MEGF8: variants seen among roughly 807,000 people sequenced by gnomAD.
MEGF8 encodes the protein multiple epidermal growth factor-like domains protein 8.
In MEGF8, 156 loss-of-function variants were observed where a neutral mutation model predicts 302.9. That is an observed-to-expected ratio of 0.52 (90% CI 0.45 to 0.59). The LOEUF (loss-of-function observed/expected upper bound fraction) is 0.59, where lower values mean the gene tolerates loss of function less well. Among genes scored for constraint, MEGF8 ranks in the 20% least tolerant of loss-of-function variants. The probability of loss-of-function intolerance (pLI) is 0.00; values close to 1 mark genes in which losing one functional copy is unlikely to be tolerated. For missense variants in MEGF8, 3,345 were observed against 3,964.5 expected (o/e 0.84, Z 4.20); for synonymous variants, 1,621 against 1,660.5 (o/e 0.98, Z 0.58).
In MEGF8 at chr19:42,368,319, T is replaced by C; in HGVS notation, c.6274-136T>C. On this transcript the variant is annotated intron_variant, in intron 35 of 41. Coordinates refer to ENST00000251268, the MANE Select transcript of MEGF8 (RefSeq NM_001271938.2). The surrounding 1 kb of genome is among the most constrained non-coding windows in gnomAD (Gnocchi z 4.9). ...CATGATGACCCCAGCTAGTGTCCAC[T>C]TTGCTCTACCTGTGGCCAGGGAGGG... is the stretch of plus-strand genomic sequence containing the variant. The C allele has an allele frequency of 1.4e-6, 1 of 724,366 alleles. No homozygotes were observed. Among genetic ancestry groups the C allele is most frequent in the East Asian group, 2.8e-5 (1 of 35,626 alleles). 44.9% of individuals were successfully genotyped at this position (724,366 alleles called of 1,614,324 possible).
intron 8 of MEGF8, among the ~76,000 whole-genome samples, chr19:42,342,038 A>G (rs1035897509): frequency 1.1e-4 from 17 of 152,168 alleles, no homozygotes; most frequent in African/African-American, 4.1e-4. Context: ...GGGAAGGAGG[A>G]AAGGCCCCAG....
intron 9 of MEGF8, 130 bp downstream of exon 9, chr19:42,343,761 A>T: frequency 2.2e-6 from 3 of 1,373,338 alleles, no homozygotes; most frequent in Non-Finnish European, 2.9e-6. Context: ...GAGAGAAGGG[A>T]AGGAGGTCCC....
At chr19:42,346,883 T>G (rs1328034968) in intron 12 of MEGF8, among the ~76,000 whole-genome samples, 1 of 144,788 alleles carries the variant, frequency 6.9e-6, no homozygotes, top group Non-Finnish European at 1.5e-5. Context: ...TACTCAGGAG[T>G]CTGAAGCAGG....
In MEGF8 at chr19:42,369,522, C is replaced by T. The variant is rs1485917257; in HGVS notation, c.6642-9C>T. ...GCCACCTGCCCTGACCCCCACTTTG[C>T]CCCTGCAGCATGACAGGGCTGTGCC... On this transcript the variant is annotated splice_polypyrimidine_tract_variant and intron_variant, in intron 37 of 41. Transcript: ENST00000251268. This position sits in a 1 kb window ranked among gnomAD's most constrained non-coding sequence, Gnocchi z 5.7. The T allele has an allele frequency of 6.3e-7, 1 of 1,599,676 alleles. No individual in the cohort carries two copies. The highest frequency in any genetic ancestry group is 8.5e-7 in the Non-Finnish European group (1 of 1,174,682).
In MEGF8 at chr19:42,344,858, T is replaced by TG. The variant is rs1290536740; in HGVS notation, c.2097+29dup. The TG allele has an allele frequency of 1.3e-6, 2 of 1,523,288 alleles. No homozygotes were observed. Among genetic ancestry groups the TG allele is most frequent in the Non-Finnish European group, 1.8e-6 (2 of 1,131,678 alleles). The allele number at this position is 1,523,288 out of a possible 1,614,324, so 94.4% of individuals were successfully genotyped here. A position where few individuals can be genotyped will look rare whatever the true frequency, so the allele number is the denominator to read the frequency against. On this transcript the variant is annotated intron_variant, in intron 12 of 41. Coordinates refer to ENST00000251268, the MANE Select transcript of MEGF8 (RefSeq NM_001271938.2). This position sits in a 1 kb window ranked among gnomAD's most constrained non-coding sequence, Gnocchi z 4.5. ...GGTGGGTAGGAGGCGTGGCCCTGGG[T>TG]GGGGTGTTGATGATCCTGATCCTAG...
In MEGF8 at chr19:42,357,542, G is replaced by C. The variant is rs770879154; in HGVS notation, c.4969G>C (p.Gly1657Arg). Residue 1657 changes from glycine to arginine, a missense_variant, in exon 28 of 42, where the codon GGC becomes CGC. Transcript: ENST00000251268. The surrounding 1 kb of genome is among the most constrained non-coding windows in gnomAD (Gnocchi z 5.2). ...GCTGCTGGAGTACCAGCTGGCAACC[G>C]GCACCTGGGTGTCAGGAGCCCAGAG... ...QQLLEYQLAT[G>R]TWVSGAQSGT... is the part of the protein sequence containing the mutation. 2 of 1,612,844 alleles carry C rather than the reference G, an allele frequency of 1.2e-6. No homozygotes were observed. The highest frequency in any genetic ancestry group is 4.5e-5 in the East Asian group (2 of 44,854).
intron 35 of MEGF8, 81 bp downstream of exon 35, chr19:42,363,343 C>A: frequency 9.3e-6 from 11 of 1,184,256 alleles, no homozygotes; most frequent in Non-Finnish European, 1.3e-5. Context: ...GACCTTTCTT[C>A]CACCATCTCC....
At position 42,352,801 on chromosome 19, in the gene MEGF8, C is replaced by A; in HGVS notation, c.3351-127C>A. 1.4e-6 allele frequency: 1 copy of A among 737,752 alleles called. No individual in the cohort carries two copies. The highest frequency in any genetic ancestry group is 2.7e-5 in the Admixed American group (1 of 37,476). The allele number at this position is 737,752 out of a possible 1,614,324, so 45.7% of individuals were successfully genotyped here. ...GGAGTTACCTTGGAGACAGGGTCAC[C>A]CACATAGCCCAAAACCATGGAAACA... On this transcript the variant is annotated intron_variant, in intron 19 of 41. Coordinates refer to ENST00000251268, the MANE Select transcript of MEGF8 (RefSeq NM_001271938.2). The surrounding 1 kb of genome is among the most constrained non-coding windows in gnomAD (Gnocchi z 4.4).
intron 9 of MEGF8, 125 bp from the exon 10 acceptor site, chr19:42,343,829 A>G (rs1311474915): frequency 7.1e-7 from 1 of 1,413,810 alleles, no homozygotes; most frequent in Non-Finnish European, 9.4e-7. Flanking sequence ...ATGGATGGGC[A>G]TGCTGAGCAC....
At chr19:42,366,977 G>GT (rs981710134) in intron 35 of MEGF8, among the ~76,000 whole-genome samples, 11 of 152,266 alleles carry the variant, frequency 7.2e-5, no homozygotes, top group African/African-American at 2.4e-4. Flanking sequence ...AGCAGTCAGG[G>GT]TTTTCTATTT....
chr19:42,345,897 G>T (rs2039282366), intron 12 of MEGF8, among the ~76,000 whole-genome samples: 2 of 152,094 alleles, frequency 1.3e-5, no homozygotes, highest in African/African-American at 4.8e-5. Flanking sequence ...CCTCTTTATT[G>T]ATTTTTTGTT....
chr19:42,360,718 G>A, intron 31 of MEGF8, 57 bp from the exon 32 acceptor site: 1 of 1,545,796 alleles, frequency 6.5e-7, no homozygotes, highest in South Asian at 1.2e-5. Flanking sequence ...TCATGGTGTG[G>A]GTCTCTTCCT....
Position 42,353,098 on chromosome 19 carries a change from G to A in MEGF8, c.3521G>A (p.Arg1174Gln), listed in dbSNP as rs1446337126. 1.1e-5 allele frequency: 17 copies of A among 1,548,696 alleles called. No homozygotes were observed. Among genetic ancestry groups the A allele is most frequent in the East Asian group, 4.9e-5 (2 of 40,916 alleles). The change falls in exon 20 of 42, where the codon CGG becomes CAG. Residue 1174 changes from arginine to glutamine, a missense_variant. Arg to Gln is a conservative substitution (Grantham distance 43). Coordinates refer to ENST00000251268, the MANE Select transcript of MEGF8 (RefSeq NM_001271938.2). The surrounding 1 kb of genome is among the most constrained non-coding windows in gnomAD (Gnocchi z 6.1). The stretch of plus-strand genomic sequence containing the variant: ...AGCTTCCACAGCCACTGCCGCAAGC[G>A]GGGCCCTGGCTTCTGCGACGAGTGC... Reference protein sequence around the residue: ...GCSFHSHCRKRGPGFCDECQD... With the variant: ...GCSFHSHCRKQGPGFCDECQD...
chr19:42,338,900 TCTCGG>T (rs1403498218), intron 8 of MEGF8, among the ~76,000 whole-genome samples: 1 of 141,660 alleles, frequency 7.1e-6, no homozygotes, highest in East Asian at 2.2e-4. Flanking sequence ...AGTGGCGGGA[TCTCGG>T]CTCACTGCAA....
In MEGF8 at chr19:42,336,491, C is replaced by T. The variant is rs1053027591; in HGVS notation, c.1244+145C>T. ...TCCTTCATGTATTTACTTATTCCTT[C>T]GTTCACTCATTCATTCATTCACCCA... is the stretch of plus-strand genomic sequence containing the variant. On this transcript the variant is annotated intron_variant, in intron 6 of 41. Transcript: ENST00000251268. The surrounding 1 kb of genome is among the most constrained non-coding windows in gnomAD (Gnocchi z 4.8). 3.1e-5 allele frequency: 28 copies of T among 906,032 alleles called. No individual in the cohort carries two copies. Among genetic ancestry groups the T allele is most frequent in the African/African-American group, 1.5e-4 (9 of 59,672 alleles). The allele number at this position is 906,032 out of a possible 1,614,324, so 56.1% of individuals were successfully genotyped here. A position where few individuals can be genotyped will look rare whatever the true frequency, so the allele number is the denominator to read the frequency against.
In MEGF8 at chr19:42,334,227, C is replaced by T; in HGVS notation, c.558+14C>T. 6.3e-7 allele frequency: 1 copy of T among 1,575,856 alleles called. No homozygotes were observed. Among genetic ancestry groups the T allele is most frequent in the Non-Finnish European group, 8.6e-7 (1 of 1,160,604 alleles). Reference sequence around the variant, plus strand: ...ACCTGCGCCTCGGTGAGCCGGTCCCCAGCCCTGTTTCCCCTGGGGCCCTGA... The same window carrying T: ...ACCTGCGCCTCGGTGAGCCGGTCCCTAGCCCTGTTTCCCCTGGGGCCCTGA... On this transcript the variant is annotated intron_variant, in intron 3 of 41. Coordinates refer to ENST00000251268, the MANE Select transcript of MEGF8 (RefSeq NM_001271938.2).
chr19:42,361,984 T>G, intron 32 of MEGF8, 106 bp from the exon 33 acceptor site: 1 of 1,500,278 alleles, frequency 6.7e-7, no homozygotes, highest in African/African-American at 1.4e-5. Context: ...AGGCCTGTGC[T>G]ATGTCCAGCT....
chr19:42,357,325 G>A lies in MEGF8; in HGVS notation c.4831-79G>A. The A allele has an allele frequency of 1.3e-6, 2 of 1,511,716 alleles. No homozygotes were observed. Among genetic ancestry groups the A allele is most frequent in the Non-Finnish European group, 1.8e-6 (2 of 1,109,838 alleles). The allele number at this position is 1,511,716 out of a possible 1,614,324, so 93.6% of individuals were successfully genotyped here. A position where few individuals can be genotyped will look rare whatever the true frequency, so the allele number is the denominator to read the frequency against. The stretch of plus-strand genomic sequence containing the variant: ...CTTAGTACTTCAGGGAGGACTGTGG[G>A]GGGCTGAGGCTCGCTTCTACCCACA... On this transcript the variant is annotated intron_variant, in intron 27 of 41. Transcript: ENST00000251268. This position sits in a 1 kb window ranked among gnomAD's most constrained non-coding sequence, Gnocchi z 5.2.
In MEGF8 at chr19:42,336,418, A is replaced by T. The variant is rs2147451114; in HGVS notation, c.1244+72A>T. On this transcript the variant is annotated intron_variant, in intron 6 of 41. Transcript: ENST00000251268. The surrounding 1 kb of genome is among the most constrained non-coding windows in gnomAD (Gnocchi z 4.8). ...TCAACACCATAGGCCTTTAGTCTTT[A>T]GAGGTCTTTGCCCACTGTCGGACTC... 1 of 1,442,030 alleles carries T rather than the reference A, an allele frequency of 6.9e-7. No homozygotes were observed. Among genetic ancestry groups the T allele is most frequent in the East Asian group, 2.4e-5 (1 of 42,046 alleles). 89.3% of individuals were successfully genotyped at this position (1,442,030 alleles called of 1,614,324 possible). A position where few individuals can be genotyped will look rare whatever the true frequency, so the allele number is the denominator to read the frequency against.
Sources: gnomAD v4.1 joint callset for allele counts (sites outside exome capture counted in the v4.1 genomes callset) on GRCh38, gnomAD v4.1.1 for gene constraint, Gnocchi (gnomAD v3.1) non-coding constraint, MANE v1.5 for transcripts, NCBI Gene and HGNC (gene_info 2026-07-23, HGNC 2026-07-21) for gene names.